The following UBE2V2 variants were observed in gnomAD, a reference collection of about 807,000 sequenced individuals.
UBE2V2 encodes the protein ubiquitin conjugating enzyme E2 V2.
Under a neutral mutation model 17.2 loss-of-function variants are expected in UBE2V2, and 9 were observed. The observed-to-expected ratio is 0.52, with a 90% CI of 0.32 to 0.91. The LOEUF (loss-of-function observed/expected upper bound fraction) is 0.91. Ranked by LOEUF, UBE2V2 falls within the 40% of genes least tolerant of loss-of-function variation. The pLI, the probability that UBE2V2 is intolerant of heterozygous loss-of-function variation, is 0.04. For missense variants in UBE2V2, 133 were observed against 182.6 expected, an observed-to-expected ratio of 0.73 and a Z score of 1.56; for synonymous variants, 61 against 57.5, an observed-to-expected ratio of 1.06 and a Z score of -0.28.
At chr8:48,023,853 G>T (rs778834050) in intron 1 of UBE2V2, among the ~76,000 whole-genome samples, 6 of 152,110 alleles carry the variant, frequency 3.9e-5, no homozygotes, top group Non-Finnish European at 8.8e-5. Context: ...TCCAGCTTGG[G>T]TGGCAGAATG....
intron 1 of UBE2V2, among the ~76,000 whole-genome samples, chr8:48,031,061 T>C (rs2091379291): frequency 6.6e-6 from 1 of 151,586 alleles, no homozygotes; most frequent in Non-Finnish European, 1.5e-5. Flanking sequence ...AAACAAAAAT[T>C]AGCCAGGTGT....
chr8:48,038,668 A>G (rs2091441004), intron 1 of UBE2V2, among the ~76,000 whole-genome samples: 1 of 152,012 alleles, frequency 6.6e-6, no homozygotes, highest in Non-Finnish European at 1.5e-5. Context: ...TTTAGTAGAG[A>G]TGGGGTTTCA....
the UBE2V2 span, among the ~76,000 whole-genome samples, chr8:48,001,679 C>T: frequency 6.6e-6 from 1 of 152,174 alleles, no homozygotes; most frequent in Admixed American, 6.5e-5. Flanking sequence ...CCAGAAAAAA[C>T]AACCCACAGA....
chr8:48,006,983 C>A (rs190853005), upstream of UBE2V2, among the ~76,000 whole-genome samples: 7 of 151,986 alleles, frequency 4.6e-5, no homozygotes, highest in Non-Finnish European at 1.0e-4. Context: ...CGGGTTCACG[C>A]CATTCTCCTG....
intron 1 of UBE2V2, among the ~76,000 whole-genome samples, chr8:48,037,114 G>A (rs1312065451): frequency 6.6e-6 from 1 of 152,228 alleles, no homozygotes; most frequent in Non-Finnish European, 1.5e-5. Flanking sequence ...TGGAAGCAAA[G>A]GTTGCAGTGA....
In UBE2V2 at chr8:48,062,965, A is replaced by G. The variant is rs943826071; in HGVS notation, c.*2137A>G. Reference sequence around the variant, plus strand: ...ATTAAATTGAATGAAACTGTAGTCTAATGGTAACTGATGATCTGAATCCGT... The same window carrying G: ...ATTAAATTGAATGAAACTGTAGTCTGATGGTAACTGATGATCTGAATCCGT... On this transcript the variant is annotated 3_prime_UTR_variant, in exon 4 of 4. Coordinates refer to ENST00000523111, the MANE Select transcript of UBE2V2 (RefSeq NM_003350.3). 5.9e-5 allele frequency: 9 copies of G among 152,236 alleles called. No homozygotes were observed. Among genetic ancestry groups the G allele is most frequent in the African/African-American group, 2.2e-4 (9 of 41,470 alleles). 9.4% of individuals were successfully genotyped at this position (152,236 alleles called of 1,614,324 possible).
Position 48,061,500 on chromosome 8 carries a change from G to A in UBE2V2, c.*672G>A, listed in dbSNP as rs1007715412. 2 of 152,558 alleles carry A rather than the reference G, an allele frequency of 1.3e-5. No individual in the cohort carries two copies. The highest frequency in any genetic ancestry group is 6.6e-5 in the Admixed American group (1 of 15,262). The allele number at this position is 152,558 out of a possible 1,614,324, so 9.5% of individuals were successfully genotyped here. A position where few individuals can be genotyped will look rare whatever the true frequency, so the allele number is the denominator to read the frequency against. The stretch of plus-strand genomic sequence containing the variant: ...AGTGAAGTCAACAAAAAGGAAATAG[G>A]TGTATGGATATGTGATTTTGAGATT... On this transcript the variant is annotated 3_prime_UTR_variant, in exon 4 of 4. Transcript: ENST00000523111.
chr8:48,004,223 C>A (rs568736967), upstream of UBE2V2, among the ~76,000 whole-genome samples: 47 of 152,216 alleles, frequency 3.1e-4, no homozygotes, highest in South Asian at 1.7e-3. Context: ...TCAGTAAGGA[C>A]ATAATAAATG....
Position 48,062,729 on chromosome 8 carries a change from C to T in UBE2V2, c.*1901C>T, listed in dbSNP as rs962948626. 6.6e-6 allele frequency: 1 copy of T among 152,110 alleles called. No individual in the cohort carries two copies. Among genetic ancestry groups the T allele is most frequent in the Non-Finnish European group, 1.5e-5 (1 of 68,020 alleles). The allele number at this position is 152,110 out of a possible 1,614,324, so 9.4% of individuals were successfully genotyped here. On this transcript the variant is annotated 3_prime_UTR_variant, in exon 4 of 4. Coordinates refer to ENST00000523111, the MANE Select transcript of UBE2V2 (RefSeq NM_003350.3). ...ATATAAAGTTAAAGCTTTGAGCTAC[C>T]TTTTCTTGGCCAATAAAGTCACTGA...
In UBE2V2 at chr8:48,033,310, C is replaced by T. The variant is rs1243200957; in HGVS notation, c.17-9723C>T. On this transcript the variant is annotated intron_variant, in intron 1 of 3. Coordinates refer to ENST00000523111, the MANE Select transcript of UBE2V2 (RefSeq NM_003350.3). Reference sequence around the variant, plus strand: ...CAAGCGATTCTCCTGCCTCTGCCACCTGAGTAACTGGGATTATGGGCTTTC... The same window carrying T: ...CAAGCGATTCTCCTGCCTCTGCCACTTGAGTAACTGGGATTATGGGCTTTC... Among the ~76,000 whole-genome samples, 3 of 152,054 alleles carry T rather than the reference C, an allele frequency of 2.0e-5. No homozygotes were observed. In the East Asian group the frequency reaches 5.8e-4, roughly 29 times the overall value.
chr8:47,998,111 T>C, the UBE2V2 span, among the ~76,000 whole-genome samples: 2 of 152,078 alleles, frequency 1.3e-5, no homozygotes, highest in South Asian at 4.2e-4. Context: ...CTGAGCACGT[T>C]GGAATCGAAA....
chr8:48,048,072 G>A lies in UBE2V2; in HGVS notation c.166-1781G>A, dbSNP rs1057018618. 2.7e-5 allele frequency among the ~76,000 whole-genome samples: 4 copies of A among 149,782 alleles called. No homozygotes were observed. The East Asian group carries it at 7.8e-4, about 29-fold the overall frequency. ...AGTGAAATGCACAGATGTGCCATGAGTTTGACAAATGTAGCTTGTTACCCC... is the reference window on the plus strand; with the variant it reads ...AGTGAAATGCACAGATGTGCCATGAATTTGACAAATGTAGCTTGTTACCCC... On this transcript the variant is annotated intron_variant, in intron 2 of 3. Transcript: ENST00000523111.
At position 48,061,728 on chromosome 8, in the gene UBE2V2, A is replaced by C. The variant is rs986999184; in HGVS notation, c.*900A>C. ...AATTTGCAGACTATTTCAGAAAAGA[A>C]ATTATCTAGTTTAATTTCTTCTTTG... On this transcript the variant is annotated 3_prime_UTR_variant, in exon 4 of 4. Transcript: ENST00000523111. 9.8e-5 allele frequency: 15 copies of C among 152,296 alleles called. No individual in the cohort carries two copies. The highest frequency in any genetic ancestry group is 5.2e-4 in the Admixed American group (8 of 15,262). The allele number at this position is 152,296 out of a possible 1,614,324, so 9.4% of individuals were successfully genotyped here.
At position 48,040,855 on chromosome 8, in the gene UBE2V2, T is replaced by TG. The variant is rs554679120; in HGVS notation, c.17-2178_17-2177insG. 1.5e-3 allele frequency among the ~76,000 whole-genome samples: 207 copies of TG among 136,296 alleles called. 5 individuals carry two copies. In the South Asian group the frequency reaches 0.05, roughly 33 times the overall value. 89.4% of individuals were successfully genotyped at this position (136,296 alleles called of 152,430 possible). A position where few individuals can be genotyped will look rare whatever the true frequency, so the allele number is the denominator to read the frequency against. ...GTTGGCCAGGCTGGGTTTTTTTTTT[T>TG]TTTTTTTTTTTGTGTGTGTGTGTGT... On this transcript the variant is annotated intron_variant, in intron 1 of 3. Coordinates refer to ENST00000523111, the MANE Select transcript of UBE2V2 (RefSeq NM_003350.3).
chr8:48,003,876 T>C (rs1310300196), upstream of UBE2V2, among the ~76,000 whole-genome samples: 1 of 152,020 alleles, frequency 6.6e-6, no homozygotes, highest in African/African-American at 2.4e-5. Flanking sequence ...GCAGTGGCAA[T>C]AGTGCACCTG....
At chr8:48,038,622 G>A (rs901272498) in intron 1 of UBE2V2, among the ~76,000 whole-genome samples, 1 of 152,004 alleles carries the variant, frequency 6.6e-6, no homozygotes, top group Admixed American at 6.6e-5. Flanking sequence ...GGGACTACAG[G>A]CGCACGCCAC....
At chr8:48,015,896 T>G (rs1004058442) in intron 1 of UBE2V2, among the ~76,000 whole-genome samples, 1 of 132,212 alleles carries the variant, frequency 7.6e-6, no homozygotes, top group South Asian at 2.4e-4. Context: ...GTCTGTGTGG[T>G]TTTTTTTTTT....
intron 1 of UBE2V2, among the ~76,000 whole-genome samples, chr8:48,031,414 C>G (rs1358372206): frequency 1.3e-5 from 2 of 152,118 alleles, no homozygotes; most frequent in Non-Finnish European, 2.9e-5. Flanking sequence ...GAGTTAATAT[C>G]TAACAAATAG....
At chr8:48,054,041 G>A (rs891106438) in intron 3 of UBE2V2, among the ~76,000 whole-genome samples, 2 of 151,238 alleles carry the variant, frequency 1.3e-5, no homozygotes, top group East Asian at 3.9e-4. Context: ...CTGACCTCAG[G>A]TGATCTGCCT....
Sources: allele counts gnomAD v4.1 joint callset (sites outside exome capture counted in the v4.1 genomes callset), GRCh38; gene constraint gnomAD v4.1.1; transcripts MANE v1.5; gene names NCBI Gene and HGNC (gene_info 2026-07-23, HGNC 2026-07-21).